NLGN1: variants seen among roughly 807,000 people sequenced by gnomAD.
The protein encoded by NLGN1 is neuroligin 1.
In NLGN1, 12 loss-of-function variants were observed where a neutral mutation model predicts 65.5. The ratio of observed to expected loss-of-function variants is 0.18; its 90% CI spans 0.12 to 0.30. NLGN1 has a LOEUF of 0.30. NLGN1 is among the 10% of genes least tolerant of loss of function. The pLI is 1.00. For synonymous variants in NLGN1, 350 were observed against 359.5 expected, an observed-to-expected ratio of 0.97 and a Z score of 0.30; for missense variants, 750 against 1,007.1, an observed-to-expected ratio of 0.74 and a Z score of 3.46.
At chr3:174,162,613 T>C (rs1019281070) in intron 4 of NLGN1, among the ~76,000 whole-genome samples, 1 of 151,904 alleles carries the variant, frequency 6.6e-6, no homozygotes, top group Non-Finnish European at 1.5e-5. Flanking sequence ...TTATATATAT[T>C]CATTATATTC....
rs563842366 is a variant in NLGN1, at chr3:173,458,418, C to T, written c.-321+23340C>T. ...ATTCTCAGGTATCTCACCCTAAAGA[C>T]GATCCTTCTCTTTTCTGTATCATTT... On this transcript the variant is annotated intron_variant, in intron 2 of 6. Coordinates refer to ENST00000457714, the Ensembl canonical transcript of NLGN1. Among the ~76,000 whole-genome samples, 13 of 152,102 alleles carry T rather than the reference C, an allele frequency of 8.5e-5. No individual in the cohort carries two copies. In the East Asian group the frequency reaches 1.9e-3, roughly 23 times the overall value.
chr3:174,109,536 A>G (rs1714723804), intron 4 of NLGN1, among the ~76,000 whole-genome samples: 1 of 151,952 alleles, frequency 6.6e-6, no homozygotes, highest in Non-Finnish European at 1.5e-5. Flanking sequence ...TATTTGACCT[A>G]CAACTGTCAA....
chr3:174,177,964 G>A (rs567232146), intron 4 of NLGN1, among the ~76,000 whole-genome samples: 21 of 152,166 alleles, frequency 1.4e-4, no homozygotes, highest in African/African-American at 4.6e-4. Context: ...TTCCAGGGTC[G>A]GGTGTGAGAT....
intron 4 of NLGN1, among the ~76,000 whole-genome samples, chr3:173,953,383 G>GA (rs1220798072): frequency 6.6e-6 from 1 of 151,712 alleles, no homozygotes; most frequent in Non-Finnish European, 1.5e-5. Flanking sequence ...TCATGAAAAA[G>GA]AAAAAAAGGT....
chr3:174,177,753 A>T (rs1011015389), intron 4 of NLGN1, among the ~76,000 whole-genome samples: 2 of 152,082 alleles, frequency 1.3e-5, no homozygotes, highest in African/African-American at 4.8e-5. Context: ...GCCTTTCATT[A>T]TGTTATATTC....
At chr3:173,802,221 G>A (rs16830627) in intron 3 of NLGN1, among the ~76,000 whole-genome samples, 14,496 of 151,984 alleles carry the variant, frequency 0.095, 711 homozygotes, top group Middle Eastern at 0.12. Context: ...AGCGATCATA[G>A]CTAGGCCATG....
intron 3 of NLGN1, among the ~76,000 whole-genome samples, chr3:173,790,860 T>C (rs1379369007): frequency 6.6e-6 from 1 of 152,182 alleles, no homozygotes; most frequent in African/African-American, 2.4e-5. Flanking sequence ...CCTGAGATGC[T>C]GTGAGATTAG....
chr3:173,943,403 T>TCA, intron 4 of NLGN1, among the ~76,000 whole-genome samples: 1 of 152,264 alleles, frequency 6.6e-6, no homozygotes. Context: ...TCTTAAGGCT[T>TCA]CAGGGCAGCC....
intron 2 of NLGN1, among the ~76,000 whole-genome samples, chr3:173,588,012 A>C (rs907397980): frequency 3.3e-5 from 5 of 152,204 alleles, no homozygotes; most frequent in Non-Finnish European, 7.3e-5. Context: ...TTTTTAAATG[A>C]CTTGTTGAAA....
chr3:173,783,690 C>T (rs1387051862), intron 3 of NLGN1, among the ~76,000 whole-genome samples: 3 of 152,200 alleles, frequency 2.0e-5, no homozygotes, highest in African/African-American at 2.4e-5. Context: ...TTTTGGCTCA[C>T]GGCAATCTCT....
chr3:174,004,365 A>G (rs1467183933), intron 4 of NLGN1, among the ~76,000 whole-genome samples: 1 of 152,240 alleles, frequency 6.6e-6, no homozygotes, highest in East Asian at 1.9e-4. Context: ...CGTTGTGTAG[A>G]TTTATAGTAG....
At chr3:173,449,518 G>T (rs1381426593) in intron 2 of NLGN1, among the ~76,000 whole-genome samples, 1 of 147,976 alleles carries the variant, frequency 6.8e-6, no homozygotes, top group African/African-American at 2.5e-5. Flanking sequence ...GTGGTGTGGT[G>T]CTGAAAAAAA....
chr3:173,628,064 TG>T (rs1318066106), intron 3 of NLGN1, among the ~76,000 whole-genome samples: 2 of 152,124 alleles, frequency 1.3e-5, no homozygotes, highest in Non-Finnish European at 2.9e-5. Context: ...ACTGCATAGC[TG>T]GGAGTTTAAG....
At chr3:173,446,489 A>C (rs1720349800) in intron 2 of NLGN1, among the ~76,000 whole-genome samples, 1 of 152,176 alleles carries the variant, frequency 6.6e-6, no homozygotes, top group African/African-American at 2.4e-5. Context: ...GGTTGGTTCT[A>C]AGTCTTTGCT....
chr3:173,621,095 A>G (rs768033878), intron 3 of NLGN1, among the ~76,000 whole-genome samples: 16 of 152,150 alleles, frequency 1.1e-4, no homozygotes, highest in Non-Finnish European at 2.4e-4. Context: ...TTAGTGACAC[A>G]CAGAAGCATA....
chr3:173,840,988 C>T (rs2150673428), intron 4 of NLGN1, among the ~76,000 whole-genome samples: 1 of 152,160 alleles, frequency 6.6e-6, no homozygotes, highest in Non-Finnish European at 1.5e-5. Flanking sequence ...CTGTAGATGT[C>T]AACTACAAAC....
intron 4 of NLGN1, among the ~76,000 whole-genome samples, chr3:174,237,304 AT>A (rs1203272820): frequency 1.3e-5 from 2 of 152,110 alleles, no homozygotes; most frequent in Admixed American, 6.5e-5. Context: ...CCAATATTAC[AT>A]TTTGTTTTGT....
At chr3:174,225,494 G>A (rs1354085347) in intron 4 of NLGN1, among the ~76,000 whole-genome samples, 1 of 152,190 alleles carries the variant, frequency 6.6e-6, no homozygotes, top group Admixed American at 6.5e-5. Context: ...CACTTTGGGA[G>A]GCCGAGGCAG....
At chr3:173,728,321 A>C (rs1772173748) in intron 3 of NLGN1, among the ~76,000 whole-genome samples, 1 of 152,102 alleles carries the variant, frequency 6.6e-6, no homozygotes, top group Non-Finnish European at 1.5e-5. Context: ...TTACAGGCAA[A>C]TTTTGGCATA....
Sources: gnomAD v4.1 joint callset for allele counts (sites outside exome capture counted in the v4.1 genomes callset) on GRCh38, gnomAD v4.1.1 for gene constraint, MANE v1.5 for transcripts, NCBI Gene and HGNC (gene_info 2026-07-23, HGNC 2026-07-21) for gene names.